Variants in TRMT9B observed in about 807,000 individuals in gnomAD.
The protein encoded by TRMT9B is tRNA methyltransferase 9B (putative), also known as probable tRNA methyltransferase 9B.
A neutral mutation model predicts 11.5 loss-of-function variants in TRMT9B; 16 were observed. The ratio of observed to expected loss-of-function variants is 1.39; its 90% confidence interval spans 0.94 to 2.11. TRMT9B has a LOEUF of 2.11. Among genes scored for constraint, TRMT9B ranks in the 30% most tolerant of loss-of-function variants. TRMT9B has a pLI of 0.00. For synonymous variants in TRMT9B, 274 were observed against 192.4 expected (o/e 1.42, Z -3.51); for missense variants, 941 against 553.8 (o/e 1.70, Z -7.02).
At chr8:12,969,909 AC>A (rs1359249967) in intron 1 of TRMT9B, 1 of 150,474 alleles carries the variant, frequency 6.6e-6, no homozygotes, top group Non-Finnish European at 1.5e-5. Flanking sequence ...CTGGTCTCAA[AC>A]TGACCTCAAG....
At chr8:13,007,460 G>C (rs977533968) in intron 3 of TRMT9B, 1 of 152,134 alleles carries the variant, frequency 6.6e-6, no homozygotes, top group Non-Finnish European at 1.5e-5. Flanking sequence ...CCTATGAGTC[G>C]TAAGTCTGTA....
rs377631038 is a variant in TRMT9B at position 13,012,664 on chromosome 8, C to T, written c.155-20C>T. 113 of 1,595,664 alleles carry T rather than the reference C, an allele frequency of 7.1e-5. No individual in the cohort carries two copies. Among genetic ancestry groups the T allele is most frequent in the Middle Eastern group, 1.7e-4 (1 of 5,992 alleles). ...ATTTTCCATTGAGGATAGCATGTAACGCAGGTTTTTCTCTTATAGGTTGTG... is the reference window on the plus strand; with the variant it reads ...ATTTTCCATTGAGGATAGCATGTAATGCAGGTTTTTCTCTTATAGGTTGTG... On this transcript the variant is annotated intron_variant, in intron 3 of 4. Transcript: ENST00000524591.
chr8:12,983,839 C>T (rs889678529), intron 1 of TRMT9B, among the ~76,000 whole-genome samples: 6 of 152,240 alleles, frequency 3.9e-5, no homozygotes, highest in South Asian at 2.1e-4. Context: ...AGACAGAAAG[C>T]GTGCTCTTAT....
chr8:13,007,211 T>C (rs1810645098), intron 3 of TRMT9B: 1 of 152,242 alleles, frequency 6.6e-6, no homozygotes, highest in Non-Finnish European at 1.5e-5. Flanking sequence ...CTTATGAATC[T>C]CATGGGTCCT....
At chr8:12,989,790 G>A (rs1807007651) in intron 1 of TRMT9B, among the ~76,000 whole-genome samples, 3 of 152,178 alleles carry the variant, frequency 2.0e-5, no homozygotes, top group Non-Finnish European at 4.4e-5. Context: ...AATTGCATGA[G>A]GAAAGATAAG....
chr8:13,012,303 A>C, intron 3 of TRMT9B: 6 of 985,638 alleles, frequency 6.1e-6, no homozygotes, highest in Non-Finnish European at 7.2e-6. Flanking sequence ...TTGGCCAGGC[A>C]CAGTGGCTTG....
intron 4 of TRMT9B, among the ~76,000 whole-genome samples, chr8:13,018,916 T>G (rs1010988503): frequency 6.6e-6 from 1 of 152,188 alleles, no homozygotes; most frequent in Non-Finnish European, 1.5e-5. Flanking sequence ...AGCACAAACA[T>G]GCAGAAAATG....
chr8:12,986,335 C>T (rs1178769102), intron 1 of TRMT9B, among the ~76,000 whole-genome samples: 1 of 152,212 alleles, frequency 6.6e-6, no homozygotes, highest in Admixed American at 6.5e-5. Context: ...TTTCTGTTCT[C>T]CACGTGTTTG....
At chr8:12,989,492 C>G (rs748923109) in intron 1 of TRMT9B, among the ~76,000 whole-genome samples, 2 of 152,130 alleles carry the variant, frequency 1.3e-5, no homozygotes, top group African/African-American at 2.4e-5. Context: ...CCAGGTAGCA[C>G]ACATATGCCT....
intron 2 of TRMT9B, among the ~76,000 whole-genome samples, chr8:12,994,987 G>T (rs1474507488): frequency 6.6e-6 from 1 of 152,194 alleles, no homozygotes; most frequent in Non-Finnish European, 1.5e-5. Context: ...TGGCTGAAAA[G>T]AACATTTTCA....
rs1344318172 is a variant in TRMT9B, at chr8:13,029,569, A to G, written c.*7525A>G. ...AGTTTGCTTTTCTTCACCATTCTGT[A>G]CAGGACAAGCATTATTCAGTTCACA... On this transcript the variant is annotated 3_prime_UTR_variant, in exon 5 of 5. Coordinates refer to ENST00000524591, the MANE Select transcript of TRMT9B (RefSeq NM_020844.3). 1 of 166,412 alleles carries G rather than the reference A, an allele frequency of 6.0e-6. No individual in the cohort carries two copies. Among genetic ancestry groups the G allele is most frequent in the Non-Finnish European group, 1.5e-5 (1 of 68,118 alleles). The allele number at this position is 166,412 out of a possible 1,614,324, so 10.3% of individuals were successfully genotyped here.
intron 2 of TRMT9B, among the ~76,000 whole-genome samples, chr8:13,002,816 A>G (rs1040163183): frequency 1.3e-5 from 2 of 152,148 alleles, no homozygotes; most frequent in Non-Finnish European, 2.9e-5. Context: ...CGTCTTACCC[A>G]AGTACTTCCC....
chr8:12,963,644 A>G (rs1335223224), intron 1 of TRMT9B, among the ~76,000 whole-genome samples: 1 of 151,290 alleles, frequency 6.6e-6, no homozygotes, highest in African/African-American at 2.4e-5. Flanking sequence ...GCTACTCGGG[A>G]GGCTTGAGCA....
intron 1 of TRMT9B, among the ~76,000 whole-genome samples, chr8:12,985,671 A>G (rs1806172630): frequency 6.6e-6 from 1 of 152,018 alleles, no homozygotes; most frequent in African/African-American, 2.4e-5. Context: ...ACATTTCTCA[A>G]ATTAAATTTA....
chr8:13,016,792 G>A (rs1812793654), intron 4 of TRMT9B, among the ~76,000 whole-genome samples: 1 of 150,166 alleles, frequency 6.7e-6, no homozygotes, highest in Non-Finnish European at 1.5e-5. Context: ...AATGTCTGGA[G>A]ACATTTTTAA....
chr8:12,973,971 G>A (rs762331182), intron 1 of TRMT9B, among the ~76,000 whole-genome samples: 1 of 152,120 alleles, frequency 6.6e-6, no homozygotes, highest in Non-Finnish European at 1.5e-5. Flanking sequence ...ACCAGCCTGA[G>A]CATTATAGTG....
chr8:13,003,339 A>G (rs1469006414), intron 2 of TRMT9B, among the ~76,000 whole-genome samples: 2 of 152,154 alleles, frequency 1.3e-5, no homozygotes, highest in African/African-American at 2.4e-5. Context: ...CCAAAATAGA[A>G]TAGAATAATT....
intron 1 of TRMT9B, among the ~76,000 whole-genome samples, chr8:12,953,649 G>C (rs1378914425): frequency 6.6e-6 from 1 of 152,224 alleles, no homozygotes; most frequent in Non-Finnish European, 1.5e-5. Flanking sequence ...CTTGTTTGAA[G>C]TTTGGGGAAG....
At chr8:13,012,318 T>A (rs1585366892) in intron 3 of TRMT9B, 1 of 982,022 alleles carries the variant, frequency 1.0e-6, no homozygotes, top group Non-Finnish European at 1.2e-6. Context: ...GGCTTGCACC[T>A]GTAATCCCAG....
Sources: allele counts gnomAD v4.1 joint callset (sites outside exome capture counted in the v4.1 genomes callset), GRCh38; gene constraint gnomAD v4.1.1; transcripts MANE v1.5; gene names NCBI Gene and HGNC (gene_info 2026-07-23, HGNC 2026-07-21).